PLD5: variants seen among roughly 807,000 people sequenced by gnomAD.
PLD5 encodes inactive phospholipase D5.
A neutral mutation model predicts 61.1 loss-of-function variants in PLD5; 36 were observed. The observed-to-expected ratio is 0.59, with a 90% CI of 0.45 to 0.78. The LOEUF is 0.78. Ranked by LOEUF, PLD5 falls within the 30% of genes least tolerant of loss-of-function variation. PLD5 has a pLI of 0.00. For missense variants in PLD5, 515 were observed against 644.4 expected (o/e 0.80, Z 2.17); for synonymous variants, 243 against 242.8 (o/e 1.00, Z -0.01).
At chr1:242,371,036 T>A (rs1661603213) in intron 1 of PLD5, among the ~76,000 whole-genome samples, 1 of 152,216 alleles carries the variant, frequency 6.6e-6, no homozygotes, top group South Asian at 2.1e-4. Context: ...TGGTATTTCA[T>A]CCAGTTAAGG....
chr1:242,172,367 C>A (rs1469787262), intron 5 of PLD5, among the ~76,000 whole-genome samples: 1 of 152,194 alleles, frequency 6.6e-6, no homozygotes, highest in African/African-American at 2.4e-5. Flanking sequence ...CTCTGGGACA[C>A]ACTGAAAGTG....
intron 4 of PLD5, among the ~76,000 whole-genome samples, chr1:242,225,717 T>C (rs965183993): frequency 1.3e-5 from 2 of 152,272 alleles, no homozygotes; most frequent in Non-Finnish European, 2.9e-5. Context: ...TTTGTTTCTC[T>C]TTGCTGTTAA....
chr1:242,377,246 A>C, intron 1 of PLD5: 1 of 1,610,964 alleles, frequency 6.2e-7, no homozygotes, highest in Non-Finnish European at 8.5e-7. Context: ...ATTTGTGCTG[A>C]GGGACGTGTT....
intron 4 of PLD5, among the ~76,000 whole-genome samples, chr1:242,260,484 G>A (rs56337409): frequency 3.9e-5 from 6 of 152,026 alleles, no homozygotes; most frequent in African/African-American, 1.4e-4. Flanking sequence ...TAGCTTGTTT[G>A]TGAAGTCTAC....
Position 242,523,986 on chromosome 1 carries a change from C to T in PLD5, c.189+102G>A, listed in dbSNP as rs1669360934. 2.3e-6 allele frequency: 3 copies of T among 1,301,156 alleles called. No homozygotes were observed. The East Asian group carries it at 8.5e-5, about 37-fold the overall frequency. The allele number at this position is 1,301,156 out of a possible 1,614,324, so 80.6% of individuals were successfully genotyped here. The stretch of plus-strand genomic sequence containing the variant: ...GGACGTCGGCGCCTGCCAGGATCCC[C>T]TCGCCTGCCCCCCGCGCCCCGCGCG... On this transcript the variant is annotated intron_variant, in intron 1 of 9. Transcript: ENST00000536534.
intron 1 of PLD5, among the ~76,000 whole-genome samples, chr1:242,463,028 T>C (rs549520044): frequency 1.3e-5 from 2 of 152,282 alleles, no homozygotes; most frequent in Admixed American, 1.3e-4. Flanking sequence ...CTGCCTCCAC[T>C]ACTCACTTCC....
At chr1:242,273,024 G>C (rs1459514880) in intron 3 of PLD5, among the ~76,000 whole-genome samples, 3 of 151,976 alleles carry the variant, frequency 2.0e-5, no homozygotes, top group Admixed American at 2.0e-4. Flanking sequence ...CCATCATCTG[G>C]GTTTTAAGGC....
At chr1:242,223,277 AC>A (rs1315735454) in intron 4 of PLD5, among the ~76,000 whole-genome samples, 1 of 151,986 alleles carries the variant, frequency 6.6e-6, no homozygotes, top group Non-Finnish European at 1.5e-5. Context: ...TAATACCATC[AC>A]CCTGGGGGTT....
At chr1:242,333,449 A>G (rs1344053975) in intron 2 of PLD5, among the ~76,000 whole-genome samples, 4 of 152,182 alleles carry the variant, frequency 2.6e-5, no homozygotes, top group African/African-American at 9.6e-5. Context: ...TCTTCTGGGC[A>G]ACGCCTCTGG....
intron 2 of PLD5, among the ~76,000 whole-genome samples, chr1:242,319,842 C>T (rs1436639809): frequency 1.3e-5 from 2 of 152,162 alleles, no homozygotes; most frequent in Admixed American, 1.3e-4. Context: ...ATTCCTCTAC[C>T]CCCTCTCACA....
At chr1:242,260,986 CAG>C (rs1167727732) in intron 4 of PLD5, among the ~76,000 whole-genome samples, 2 of 152,170 alleles carry the variant, frequency 1.3e-5, no homozygotes, top group African/African-American at 4.8e-5. Context: ...AGTTTATCTA[CAG>C]AGTCAGTGTA....
At chr1:242,487,578 A>C (rs2102971355) in intron 1 of PLD5, among the ~76,000 whole-genome samples, 1 of 152,330 alleles carries the variant, frequency 6.6e-6, no homozygotes, top group South Asian at 2.1e-4. Context: ...CTGTTTTGTT[A>C]AAGATACTAT....
chr1:242,371,895 C>T (rs1661658009), intron 1 of PLD5, among the ~76,000 whole-genome samples: 2 of 151,210 alleles, frequency 1.3e-5, no homozygotes, highest in Non-Finnish European at 2.9e-5. Context: ...ACTTTAAGTT[C>T]TGGGGTACAT....
intron 1 of PLD5, chr1:242,449,430 C>T (rs1027241831): frequency 1.3e-6 from 2 of 1,535,736 alleles, no homozygotes; most frequent in African/African-American, 2.7e-5. Flanking sequence ...CTTCCCACAG[C>T]CTCTGGAGCC....
chr1:242,416,446 G>T, intron 1 of PLD5, among the ~76,000 whole-genome samples: 1 of 152,144 alleles, frequency 6.6e-6, no homozygotes, highest in Non-Finnish European at 1.5e-5. Context: ...TATGTTACAT[G>T]ACACAGAATA....
At chr1:242,279,874 A>T (rs1674625592) in intron 3 of PLD5, among the ~76,000 whole-genome samples, 1 of 152,198 alleles carries the variant, frequency 6.6e-6, no homozygotes, top group Non-Finnish European at 1.5e-5. Flanking sequence ...TTTGAATTGT[A>T]TTCTGTGTAG....
chr1:242,336,850 T>A (rs1170834257), intron 2 of PLD5, among the ~76,000 whole-genome samples: 3 of 152,256 alleles, frequency 2.0e-5, no homozygotes, highest in Non-Finnish European at 1.5e-5. Context: ...TCTAAGATGA[T>A]GAGTTTTGTA....
rs371728017 is a variant in PLD5 at position 242,173,834 on chromosome 1, T to C, written c.735+46154A>G. On this transcript the variant is annotated intron_variant, in intron 5 of 9. Transcript: ENST00000536534. ...ATTTAATAAATGGTGCTGGGAAAAC[T>C]GGCTAGCCATATGTAGAAAGCTGAA... Among the ~76,000 whole-genome samples, 42 of 152,342 alleles carry C rather than the reference T, an allele frequency of 2.8e-4. No homozygotes were observed. The East Asian group carries it at 7.3e-3, about 27-fold the overall frequency.
chr1:242,420,430 G>A (rs1015326392), intron 1 of PLD5, among the ~76,000 whole-genome samples: 1 of 152,084 alleles, frequency 6.6e-6, no homozygotes, highest in African/African-American at 2.4e-5. Flanking sequence ...CCGTTACACA[G>A]TTTCCTACTC....
Sources: allele counts gnomAD v4.1 joint callset (sites outside exome capture counted in the v4.1 genomes callset), GRCh38; gene constraint gnomAD v4.1.1; transcripts MANE v1.5; gene names NCBI Gene and HGNC (gene_info 2026-07-23, HGNC 2026-07-21).